Variants in CCAR2 observed in about 807,000 individuals in gnomAD.
The protein encoded by CCAR2 is cell cycle and apoptosis regulator 2.
A neutral mutation model predicts 108.1 loss-of-function variants in CCAR2; 21 were observed. The ratio of observed to expected loss-of-function variants is 0.19; its 90% CI spans 0.14 to 0.28. The LOEUF (loss-of-function observed/expected upper bound fraction) is 0.28. CCAR2 is among the 10% of genes least tolerant of loss of function. The probability of loss-of-function intolerance (pLI) is 1.00; values close to 1 mark genes in which losing one functional copy is unlikely to be tolerated. For missense variants in CCAR2, 1,126 were observed against 1,177.0 expected, an observed-to-expected ratio of 0.96 and a Z score of 0.63; for synonymous variants, 577 against 472.8, an observed-to-expected ratio of 1.22 and a Z score of -2.86.
At chr8:22,617,332 A>AGTT (rs2117461510) in intron 14 of CCAR2, 88 bp from the exon 15 acceptor site, 1 of 1,441,180 alleles carries the variant, frequency 6.9e-7, no homozygotes, top group East Asian at 2.3e-5. Flanking sequence ...CCTGGGGCAT[A>AGTT]GTTGATACTC....
intron 7 of CCAR2, among the ~76,000 whole-genome samples, chr8:22,612,474 G>A (rs1801322277): frequency 6.7e-6 from 1 of 150,106 alleles, no homozygotes; most frequent in Non-Finnish European, 1.5e-5. Flanking sequence ...CACCATGTTG[G>A]CCAGGATGGT....
intron 14 of CCAR2, among the ~76,000 whole-genome samples, chr8:22,617,060 A>C: frequency 6.6e-6 from 1 of 151,288 alleles, no homozygotes; most frequent in Non-Finnish European, 1.5e-5. Context: ...ATTTTTGTAG[A>C]GATGGGGTTT....
At chr8:22,617,827 G>C (rs1801587833) in intron 16 of CCAR2, 49 bp downstream of exon 16, 1 of 1,590,432 alleles carries the variant, frequency 6.3e-7, no homozygotes, top group Non-Finnish European at 8.6e-7. Context: ...GTGAGGCTTG[G>C]CAAGGCCTCT....
Position 22,618,868 on chromosome 8 carries a change from C to G in CCAR2, c.2374C>G (p.Pro792Ala). 3 of 1,613,984 alleles carry G rather than the reference C, an allele frequency of 1.9e-6. No homozygotes were observed. The highest frequency in any genetic ancestry group is 2.5e-6 in the Non-Finnish European group (3 of 1,180,014). The change falls in exon 19 of 21, where the codon CCA (proline) becomes GCA (alanine). Residue 792 changes from proline (P) to alanine (A), a missense_variant. By Grantham distance (27) the Pro-to-Ala change is conservative. This residue lies in a region of CCAR2 where 1,013 missense variants were observed against 993.9 expected (regional missense o/e 1.02). Coordinates refer to ENST00000308511, the MANE Select transcript of CCAR2 (RefSeq NM_001393997.1). The stretch of plus-strand genomic sequence containing the variant: ...GCCCCCTCCTGGGAAAAGCACGAAG[C>G]CAGGTGCTGCCCCCACAGAACACAA... ...LLPPPGKSTKPGAAPTEHKAL... is the reference protein window; with the variant it reads ...LLPPPGKSTKAGAAPTEHKAL...
At position 22,614,987 on chromosome 8, in the gene CCAR2, CG is replaced by C; in HGVS notation, c.1193del (p.Gly398AlafsTer108). ...AGGCCCAGACTGGCATTGATTTGAGCGGCTGTACCAAGTGGTGAGTGGGCTT... is the reference window on the plus strand; with the variant it reads ...AGGCCCAGACTGGCATTGATTTGAGCGCTGTACCAAGTGGTGAGTGGGCTT... ...AQAQTGIDLS[G>X]CTKWWRFAEF... is the part of the protein sequence containing the mutation. On this transcript the variant is annotated frameshift_variant, in exon 11 of 21. Coordinates refer to ENST00000308511, the MANE Select transcript of CCAR2 (RefSeq NM_001393997.1). LOFTEE classifies it high-confidence loss of function. 6.3e-7 allele frequency: 1 copy of C among 1,582,620 alleles called. No individual in the cohort carries two copies. Among genetic ancestry groups the C allele is most frequent in the Non-Finnish European group, 8.6e-7 (1 of 1,163,632 alleles).
At chr8:22,612,250 T>TA (rs1801314279) in intron 7 of CCAR2, among the ~76,000 whole-genome samples, 1 of 151,484 alleles carries the variant, frequency 6.6e-6, no homozygotes, top group African/African-American at 2.4e-5. Context: ...CCCAGCCTTG[T>TA]AACCGTCTCT....
Position 22,614,413 on chromosome 8 carries a change from G to T in CCAR2, c.951G>T (p.Gly317=), listed in dbSNP as rs143706995. ...SSKVLLLSSP[G]LEELYRCCML... ...AGGTACTGCTGCTCTCTTCCCCGGG[G>T]TTGGAGGAATTGTATCGTTGTTGCA... Residue 317 remains glycine (G), a synonymous_variant, in exon 10 of 21, where the codon GGG becomes GGT. Coordinates refer to ENST00000308511, the MANE Select transcript of CCAR2 (RefSeq NM_001393997.1). 1.2e-6 allele frequency: 2 copies of T among 1,614,194 alleles called. No homozygotes were observed. Among genetic ancestry groups the T allele is most frequent in the Non-Finnish European group, 1.7e-6 (2 of 1,180,038 alleles).
chr8:22,621,254 C>CTA (rs963122480), downstream of CCAR2: 125 of 916,942 alleles, frequency 1.4e-4, no homozygotes, highest in South Asian at 7.9e-4. Flanking sequence ...GGCGGCCTGC[C>CTA]TAGGGCTCCT....
intron 11 of CCAR2, 37 bp downstream of exon 11, chr8:22,615,038 A>C (rs1801443703): frequency 1.3e-6 from 2 of 1,511,500 alleles, no homozygotes; most frequent in East Asian, 2.5e-5. Context: ...GCACCAACGC[A>C]CCAGGTTGGG....
intron 5 of CCAR2, 80 bp from the exon 6 acceptor site, chr8:22,607,116 G>T (rs561503825): frequency 1.9e-6 from 3 of 1,608,604 alleles, no homozygotes; most frequent in Non-Finnish European, 2.5e-6. Flanking sequence ...CTTTTGTCAG[G>T]GGGGTGGGAC....
Position 22,606,994 on chromosome 8 carries a change from T to C in CCAR2, c.327T>C (p.Asn109=). 1 of 1,614,148 alleles carries C rather than the reference T, an allele frequency of 6.2e-7. No individual in the cohort carries two copies. Among genetic ancestry groups the C allele is most frequent in the Non-Finnish European group, 8.5e-7 (1 of 1,180,026 alleles). ...AYNPGQAVPW[N]AVKVQTLSNQ... ...ACCCAGGCCAGGCAGTGCCCTGGAA[T>C]GCTGTCAAGGTGCAAACGCTCTCCA... The change falls in exon 5 of 21, where the codon AAT becomes AAC. Residue 109 remains asparagine, a synonymous_variant. Transcript: ENST00000308511.
At position 22,620,135 on chromosome 8, in the gene CCAR2, T is replaced by G. The variant is rs199624712; in HGVS notation, c.*453T>G. On this transcript the variant is annotated 3_prime_UTR_variant, in exon 21 of 21. Coordinates refer to ENST00000308511, the MANE Select transcript of CCAR2 (RefSeq NM_001393997.1). Reference sequence around the variant, plus strand: ...GCCCCCTCCTCCGGATGGCACAGGCTCTGCTAGGTTCCGGACACAGGCTTC... The same window carrying G: ...GCCCCCTCCTCCGGATGGCACAGGCGCTGCTAGGTTCCGGACACAGGCTTC... 1.7e-5 allele frequency: 3 copies of G among 173,514 alleles called. No homozygotes were observed. The highest frequency in any genetic ancestry group is 7.1e-5 in the African/African-American group (3 of 42,078). The allele number at this position is 173,514 out of a possible 1,614,324, so 10.7% of individuals were successfully genotyped here. A position where few individuals can be genotyped will look rare whatever the true frequency, so the allele number is the denominator to read the frequency against.
chr8:22,605,964 C>A, intron 2 of CCAR2, 121 bp from the exon 3 acceptor site: 2 of 1,259,390 alleles, frequency 1.6e-6, no homozygotes, highest in Non-Finnish European at 2.3e-6. Context: ...CAGTGATTGC[C>A]AGTGAAGCTC....
intron 7 of CCAR2, among the ~76,000 whole-genome samples, chr8:22,610,109 G>A (rs1801219006): frequency 6.6e-6 from 1 of 152,062 alleles, no homozygotes; most frequent in Non-Finnish European, 1.5e-5. Context: ...TTCAGATAAG[G>A]GATACTCAAC....
At chr8:22,613,689 T>C (rs1442223326) in intron 8 of CCAR2, among the ~76,000 whole-genome samples, 1 of 152,218 alleles carries the variant, frequency 6.6e-6, no homozygotes, top group African/African-American at 2.4e-5. Flanking sequence ...TGGTGACACA[T>C]GATAATGTGG....
At chr8:22,617,603 A>T (rs1476411245) in intron 15 of CCAR2, 39 bp downstream of exon 15, 2 of 1,609,344 alleles carry the variant, frequency 1.2e-6, no homozygotes, top group Non-Finnish European at 1.7e-6. Flanking sequence ...CAGGCTTGGG[A>T]TGTGGCTTTC....
Position 22,605,785 on chromosome 8 carries a change from T to A in CCAR2, c.12T>A (p.Phe4Leu). The change falls in exon 2 of 21, where the codon TTT becomes TTA. Residue 4 changes from phenylalanine (F) to leucine (L), a missense_variant. Phe to Leu is a conservative substitution (Grantham distance 22). Coordinates refer to ENST00000308511, the MANE Select transcript of CCAR2 (RefSeq NM_001393997.1). ...GGACAGCGTTCCCAATGTCCCAGTTTAAGCGCCAGCGGATCAACCCGCTTC... is the reference window on the plus strand; with the variant it reads ...GGACAGCGTTCCCAATGTCCCAGTTAAAGCGCCAGCGGATCAACCCGCTTC... Reference protein sequence around the residue: MSQFKRQRINPLPG... With the variant: MSQLKRQRINPLPG... 1 of 1,614,070 alleles carries A rather than the reference T, an allele frequency of 6.2e-7. No homozygotes were observed.
chr8:22,615,541 C>G lies in CCAR2; in HGVS notation c.1322C>G (p.Ala441Gly). 4 of 1,613,920 alleles carry G rather than the reference C, an allele frequency of 2.5e-6. No homozygotes were observed. The highest frequency in any genetic ancestry group is 3.4e-6 in the Non-Finnish European group (4 of 1,180,010). ...ATGCCTACTTTGGAGGAGTGGGAGG[C>G]CCTGTGCCAGCAGAAAGCTGCAGAG... ...TIMPTLEEWE[A>G]LCQQKAAEAA... Residue 441 changes from alanine (A) to glycine (G), a missense_variant, in exon 12 of 21, where the codon GCC becomes GGC. Transcript: ENST00000308511.
chr8:22,617,344 G>A (rs1324752513), intron 14 of CCAR2, 76 bp from the exon 15 acceptor site: 1 of 1,483,956 alleles, frequency 6.7e-7, no homozygotes, highest in Non-Finnish European at 9.0e-7. Context: ...TTGATACTCA[G>A]GTGTCAGCCA....
Sources: allele counts gnomAD v4.1 joint callset (sites outside exome capture counted in the v4.1 genomes callset), GRCh38; gene constraint gnomAD v4.1.1; regional missense constraint gnomAD v4.1.1; transcripts MANE v1.5; gene names NCBI Gene and HGNC (gene_info 2026-07-23, HGNC 2026-07-21).